The following HIVEP2 variants were observed in gnomAD, a reference collection of about 807,000 sequenced individuals.
HIVEP2 encodes transcription factor HIVEP2.
HIVEP2 carries 14 observed loss-of-function variants against 180.7 expected under a neutral mutation model. The ratio of observed to expected loss-of-function variants is 0.08; its 90% CI spans 0.05 to 0.12. The LOEUF (loss-of-function observed/expected upper bound fraction) is 0.12. Ranked by LOEUF, HIVEP2 falls within the 10% of genes least tolerant of loss-of-function variation. The pLI is 1.00. For missense variants in HIVEP2, 2,579 were observed against 3,008.5 expected (o/e 0.86, Z 3.34); for synonymous variants, 1,184 against 1,136.4 (o/e 1.04, Z -0.84).
chr6:142,810,529 A>T (rs779546684), intron 2 of HIVEP2, among the ~76,000 whole-genome samples: 2 of 152,070 alleles, frequency 1.3e-5, no homozygotes, highest in Admixed American at 1.3e-4. Context: ...TTGGGAGGCC[A>T]GGGGGGCAAA....
intron 1 of HIVEP2, among the ~76,000 whole-genome samples, chr6:142,851,332 A>G (rs1366321933): frequency 6.6e-6 from 1 of 152,194 alleles, no homozygotes; most frequent in Admixed American, 6.5e-5. Context: ...TTTCTCTATA[A>G]GATGTAGCAA....
chr6:142,853,378 C>T (rs1334842453), intron 1 of HIVEP2, among the ~76,000 whole-genome samples: 1 of 152,190 alleles, frequency 6.6e-6, no homozygotes, highest in African/African-American at 2.4e-5. Flanking sequence ...GTGCTAGCAC[C>T]TGTTCTTCCG....
intron 2 of HIVEP2, among the ~76,000 whole-genome samples, chr6:142,805,473 G>A (rs1776524940): frequency 6.6e-6 from 1 of 151,114 alleles, no homozygotes; most frequent in Non-Finnish European, 1.5e-5. Flanking sequence ...CTTAGAGCTT[G>A]CTCTTTCTGT....
intron 1 of HIVEP2, among the ~76,000 whole-genome samples, chr6:142,859,773 G>C (rs1775921086): frequency 7.5e-6 from 1 of 134,032 alleles, no homozygotes; most frequent in Non-Finnish European, 1.5e-5. Flanking sequence ...GGCAGATGTT[G>C]CAGTGAGTCA....
intron 2 of HIVEP2, among the ~76,000 whole-genome samples, chr6:142,823,111 C>A (rs1777084745): frequency 6.6e-6 from 1 of 152,162 alleles, no homozygotes; most frequent in African/African-American, 2.4e-5. Flanking sequence ...CTCCCCCTAG[C>A]GTCCTCAGGA....
At chr6:142,819,450 T>C (rs1003994514) in intron 2 of HIVEP2, among the ~76,000 whole-genome samples, 6 of 152,162 alleles carry the variant, frequency 3.9e-5, no homozygotes, top group African/African-American at 1.4e-4. Context: ...AGCTTTTTAA[T>C]GTTTTCCAAA....
chr6:142,942,558 A>T (rs1778206549), intron 1 of HIVEP2, among the ~76,000 whole-genome samples: 1 of 152,196 alleles, frequency 6.6e-6, no homozygotes, highest in African/African-American at 2.4e-5. Context: ...AATGTAATCA[A>T]AGAGAATTAT....
At position 142,843,118 on chromosome 6, in the gene HIVEP2, G is replaced by A. The variant is rs1405735688; in HGVS notation, c.-640-6071C>T. On this transcript the variant is annotated intron_variant, in intron 1 of 9. Transcript: ENST00000367603. ...CTTTATAATATTTTCACATGTAGAT[G>A]AGTCACCAGGGGAGCTTGTTAAAAA... Among the ~76,000 whole-genome samples, 3 of 152,166 alleles carry A rather than the reference G, an allele frequency of 2.0e-5. No individual in the cohort carries two copies. The East Asian group carries it at 5.8e-4, about 29-fold the overall frequency.
chr6:142,897,077 T>G (rs538220625), intron 1 of HIVEP2, among the ~76,000 whole-genome samples: 3 of 151,900 alleles, frequency 2.0e-5, no homozygotes, highest in Non-Finnish European at 4.4e-5. Flanking sequence ...AATAGAAAGG[T>G]GGAAACATAG....
At chr6:142,765,150 G>T (rs1414013130) in intron 6 of HIVEP2, among the ~76,000 whole-genome samples, 176 bp from the exon 7 acceptor site, 2 of 152,164 alleles carry the variant, frequency 1.3e-5, no homozygotes, top group Admixed American at 1.3e-4. Context: ...GAAAGAACTA[G>T]ATAATAGATT....
intron 2 of HIVEP2, among the ~76,000 whole-genome samples, chr6:142,818,904 G>A (rs1471184699): frequency 8.6e-5 from 13 of 151,108 alleles, no homozygotes; most frequent in South Asian, 8.4e-4. Context: ...TTGGGCAGCC[G>A]AGACAGGAGG....
intron 1 of HIVEP2, among the ~76,000 whole-genome samples, chr6:142,862,022 AT>A (rs1775990930): frequency 6.6e-6 from 1 of 152,016 alleles, no homozygotes; most frequent in African/African-American, 2.4e-5. Flanking sequence ...CGTTACTTAA[AT>A]TTTTTTTCAG....
chr6:142,882,198 T>C (rs1776588442), intron 1 of HIVEP2, among the ~76,000 whole-genome samples: 1 of 152,212 alleles, frequency 6.6e-6, no homozygotes, highest in Non-Finnish European at 1.5e-5. Flanking sequence ...CCTTATATTC[T>C]TCATCTATAA....
At chr6:142,825,415 C>A (rs943218484) in intron 2 of HIVEP2, among the ~76,000 whole-genome samples, 2 of 152,082 alleles carry the variant, frequency 1.3e-5, no homozygotes, top group Non-Finnish European at 2.9e-5. Context: ...AGAGCAAGAA[C>A]CTCAGTTTCC....
chr6:142,850,012 A>T (rs1775610002), intron 1 of HIVEP2, among the ~76,000 whole-genome samples: 4 of 152,238 alleles, frequency 2.6e-5, no homozygotes, highest in Admixed American at 2.6e-4. Context: ...AATCAGGTCA[A>T]ATAAGTCAAA....
At chr6:142,884,909 C>A (rs1425334276) in intron 1 of HIVEP2, among the ~76,000 whole-genome samples, 1 of 152,126 alleles carries the variant, frequency 6.6e-6, no homozygotes, top group Non-Finnish European at 1.5e-5. Flanking sequence ...CACTGCTCTG[C>A]TCCTCAAAGC....
Position 142,847,294 on chromosome 6 carries a change from T to C in HIVEP2, c.-640-10247A>G, listed in dbSNP as rs79504391. On this transcript the variant is annotated intron_variant, in intron 1 of 9. Transcript: ENST00000367603. ...CTTCCAAATCATCGTTCTGGCTCTT[T>C]CACCAGTCCTAAAGCCATATTACAA... is the stretch of plus-strand genomic sequence containing the variant. 6.6e-4 allele frequency among the ~76,000 whole-genome samples: 101 copies of C among 152,310 alleles called. 1 individual carries two copies. The East Asian group carries it at 0.017, about 26-fold the overall frequency.
At chr6:142,847,836 AG>A (rs1025461093) in intron 1 of HIVEP2, among the ~76,000 whole-genome samples, 3 of 152,240 alleles carry the variant, frequency 2.0e-5, no homozygotes, top group African/African-American at 7.2e-5. Flanking sequence ...ATTAAAAAAA[AG>A]CTAAGTGGAA....
chr6:142,895,433 G>C (rs1776962311), intron 1 of HIVEP2, among the ~76,000 whole-genome samples: 1 of 152,016 alleles, frequency 6.6e-6, no homozygotes, highest in Non-Finnish European at 1.5e-5. Flanking sequence ...CTTAAGAGTA[G>C]GTTCCTCAAA....
Sources: gnomAD v4.1 joint callset for allele counts (sites outside exome capture counted in the v4.1 genomes callset) on GRCh38, gnomAD v4.1.1 for gene constraint, MANE v1.5 for transcripts, NCBI Gene and HGNC (gene_info 2026-07-23, HGNC 2026-07-21) for gene names.